The following VGLL4 variants were observed in gnomAD, a reference collection of about 807,000 sequenced individuals.
The protein encoded by VGLL4 is vestigial like family member 4.
A neutral mutation model predicts 21.0 loss-of-function variants in VGLL4; 7 were observed. The observed-to-expected ratio is 0.33, with a 90% CI of 0.19 to 0.63. The LOEUF (loss-of-function observed/expected upper bound fraction) is 0.63. Among genes scored for constraint, VGLL4 ranks in the 20% least tolerant of loss-of-function variants. The pLI, the probability that VGLL4 is intolerant of heterozygous loss-of-function variation, is 0.78. For synonymous variants in VGLL4, 222 were observed against 173.2 expected (o/e 1.28, Z -2.21); for missense variants, 394 against 425.7 (o/e 0.93, Z 0.66).
chr3:11,629,948 TAAAGC>T (rs1226182072), intron 1 of VGLL4, among the ~76,000 whole-genome samples: 2 of 151,996 alleles, frequency 1.3e-5, no homozygotes, highest in African/African-American at 4.8e-5. Flanking sequence ...AAATAAGAAA[TAAAGC>T]AAAGCTATAC....
At chr3:11,585,194 G>C (rs1359054256) in intron 2 of VGLL4, among the ~76,000 whole-genome samples, 3 of 152,110 alleles carry the variant, frequency 2.0e-5, no homozygotes, top group African/African-American at 4.8e-5. Context: ...CTAGCACTTT[G>C]GGAGGCCGAG....
chr3:11,668,457 T>C (rs1187528350), intron 2 of VGLL4, among the ~76,000 whole-genome samples: 1 of 152,152 alleles, frequency 6.6e-6, no homozygotes, highest in Non-Finnish European at 1.5e-5. Context: ...TTGTCACAAA[T>C]GCAAACTAAC....
chr3:11,668,757 A>T (rs2076162594), intron 2 of VGLL4, among the ~76,000 whole-genome samples: 1 of 152,208 alleles, frequency 6.6e-6, no homozygotes, highest in Non-Finnish European at 1.5e-5. Flanking sequence ...ACGTTTGGAG[A>T]AGATAGCAGT....
At chr3:11,673,673 T>G (rs2125371072) in intron 2 of VGLL4, among the ~76,000 whole-genome samples, 1 of 152,008 alleles carries the variant, frequency 6.6e-6, no homozygotes, top group South Asian at 2.1e-4. Flanking sequence ...AAACAGAAGA[T>G]CCCAACAGTT....
chr3:11,709,785 A>G (rs1218054181), intron 1 of VGLL4, among the ~76,000 whole-genome samples: 3 of 152,322 alleles, frequency 2.0e-5, no homozygotes, highest in African/African-American at 7.2e-5. Context: ...TAAATCTGAC[A>G]GCCATTTTTT....
At chr3:11,571,374 T>C (rs1046239597) in intron 2 of VGLL4, among the ~76,000 whole-genome samples, 7 of 152,158 alleles carry the variant, frequency 4.6e-5, no homozygotes, top group East Asian at 1.9e-4. Flanking sequence ...ACCCACGTAA[T>C]GTTTCCCCCA....
chr3:11,694,530 G>A (rs1358394469), intron 2 of VGLL4, among the ~76,000 whole-genome samples: 1 of 151,974 alleles, frequency 6.6e-6, no homozygotes, highest in African/African-American at 2.4e-5. Context: ...GCTGAGTCAG[G>A]AGAATTGCTT....
chr3:11,573,324 A>C (rs1307537563), intron 2 of VGLL4, among the ~76,000 whole-genome samples: 99 of 39,452 alleles, frequency 2.5e-3, no homozygotes, highest in African/African-American at 5.5e-3. Context: ...AGGAAGAAAG[A>C]AAGAAAGAAA....
At chr3:11,558,911 C>G in intron 4 of VGLL4, 84 bp from the exon 5 acceptor site, 1 of 1,503,548 alleles carries the variant, frequency 6.7e-7, no homozygotes, top group Non-Finnish European at 9.0e-7. Flanking sequence ...CCTCAGGCAG[C>G]CCAGAGCCGG....
intron 1 of VGLL4, among the ~76,000 whole-genome samples, chr3:11,714,148 C>A (rs1043685563): frequency 2.0e-5 from 3 of 152,148 alleles, no homozygotes; most frequent in Non-Finnish European, 2.9e-5. Flanking sequence ...TCTATACAGG[C>A]TCTGGGCTGC....
chr3:11,646,517 T>TGCA (rs988958020), upstream of VGLL4, among the ~76,000 whole-genome samples: 1 of 151,008 alleles, frequency 6.6e-6, no homozygotes, highest in Admixed American at 6.6e-5. Flanking sequence ...GATTCCAATA[T>TGCA]GCAGTCAAGG....
upstream of VGLL4, among the ~76,000 whole-genome samples, chr3:11,646,507 G>C (rs2075795434): frequency 6.6e-6 from 1 of 151,268 alleles, no homozygotes; most frequent in African/African-American, 2.4e-5. Flanking sequence ...AGTCCCAGGT[G>C]ATTCCAATAT....
chr3:11,694,999 A>T (rs985468609), intron 2 of VGLL4, among the ~76,000 whole-genome samples: 1 of 152,162 alleles, frequency 6.6e-6, no homozygotes, highest in South Asian at 2.1e-4. Context: ...TATATATTCA[A>T]GTAACATAAT....
At chr3:11,663,013 C>T (rs888513412) in intron 2 of VGLL4, among the ~76,000 whole-genome samples, 1 of 152,036 alleles carries the variant, frequency 6.6e-6, no homozygotes, top group Non-Finnish European at 1.5e-5. Context: ...TTAGGGTTTG[C>T]TTGCAGTAGT....
chr3:11,666,580 CAG>C (rs1033205328), intron 2 of VGLL4, among the ~76,000 whole-genome samples: 2 of 152,198 alleles, frequency 1.3e-5, no homozygotes, highest in Non-Finnish European at 2.9e-5. Flanking sequence ...GCAGAACAAA[CAG>C]AATTTGCTAG....
intron 1 of VGLL4, among the ~76,000 whole-genome samples, chr3:11,602,900 A>G (rs1235635686): frequency 6.6e-6 from 1 of 152,226 alleles, no homozygotes; most frequent in African/African-American, 2.4e-5. Context: ...AGAAAACTTC[A>G]AACTTTCTAA....
At chr3:11,659,292 T>C (rs75474518) in intron 2 of VGLL4, among the ~76,000 whole-genome samples, 2,271 of 132,604 alleles carry the variant, frequency 0.017, 50 homozygotes, top group African/African-American at 0.06. Flanking sequence ...CCTATTTTCT[T>C]TTTTTTTTTC....
chr3:11,692,145 A>C (rs546093856), intron 2 of VGLL4, among the ~76,000 whole-genome samples: 1 of 152,310 alleles, frequency 6.6e-6, no homozygotes, highest in Non-Finnish European at 1.5e-5. Flanking sequence ...GGAAACAGTC[A>C]CCCTCCTCAA....
intron 2 of VGLL4, among the ~76,000 whole-genome samples, chr3:11,666,246 C>T (rs1431582206): frequency 5.3e-5 from 7 of 132,022 alleles, no homozygotes; most frequent in African/African-American, 2.2e-4. Context: ...GAGACTGCGC[C>T]TCAAAAAAAA....
Sources: gnomAD v4.1 joint callset for allele counts (sites outside exome capture counted in the v4.1 genomes callset) on GRCh38, gnomAD v4.1.1 for gene constraint, MANE v1.5 for transcripts, NCBI Gene and HGNC (gene_info 2026-07-23, HGNC 2026-07-21) for gene names.